The following NARS2 variants were observed in gnomAD, a reference collection of about 807,000 sequenced individuals.
NARS2 encodes asparaginyl-tRNA synthetase 2, mitochondrial.
NARS2 carries 60 observed loss-of-function variants against 62.9 expected under a neutral mutation model. The ratio of observed to expected loss-of-function variants is 0.95; its 90% CI spans 0.77 to 1.18. NARS2 has a LOEUF of 1.18. NARS2 is among the 50% of genes most tolerant of loss of function. The probability of loss-of-function intolerance (pLI) is 0.00; values close to 1 mark genes in which losing one functional copy is unlikely to be tolerated. For synonymous variants in NARS2, 196 were observed against 200.0 expected (o/e 0.98, Z 0.17); for missense variants, 619 against 576.4 (o/e 1.07, Z -0.76).
At chr11:78,563,062 AGAT>A (rs1255828557) in intron 4 of NARS2, among the ~76,000 whole-genome samples, 1 of 152,148 alleles carries the variant, frequency 6.6e-6, no homozygotes, top group African/African-American at 2.4e-5. Flanking sequence ...ACATAAAGGT[AGAT>A]AACTATCACA....
intron 6 of NARS2, among the ~76,000 whole-genome samples, chr11:78,509,767 C>A (rs1165184920): frequency 1.4e-5 from 2 of 143,202 alleles, no homozygotes; most frequent in Non-Finnish European, 3.0e-5. Context: ...GTGGAGGATG[C>A]AGTAAGCTGG....
At chr11:78,441,780 G>T (rs1256739486) in intron 12 of NARS2, among the ~76,000 whole-genome samples, 1 of 151,446 alleles carries the variant, frequency 6.6e-6, no homozygotes, top group Non-Finnish European at 1.5e-5. Context: ...ACACAGACAA[G>T]GGACACAGAG....
chr11:78,465,901 T>C lies in NARS2; in HGVS notation c.1139A>G (p.Asp380Gly), dbSNP rs1858598897. 1 of 1,613,984 alleles carries C rather than the reference T, an allele frequency of 6.2e-7. No homozygotes were observed. The highest frequency in any genetic ancestry group is 8.5e-7 in the Non-Finnish European group (1 of 1,179,980). Reference sequence around the variant, plus strand: ...CGTGTGCTGAGGGCCATCTTCATTATCCCTCATGTAGAAAGGCTTGAGTGT... The same window carrying C: ...CGTGTGCTGAGGGCCATCTTCATTACCCCTCATGTAGAAAGGCTTGAGTGT... ...PLTLKPFYMR[D>G]NEDGPQHTVA... Residue 380 changes from aspartate (D) to glycine (G), a missense_variant, in exon 11 of 14, where the codon GAT becomes GGT. Asp to Gly is a moderately conservative substitution (Grantham distance 94). Transcript: ENST00000281038.
chr11:78,459,701 C>T (rs1437982320), intron 11 of NARS2, among the ~76,000 whole-genome samples: 1 of 152,214 alleles, frequency 6.6e-6, no homozygotes, highest in Admixed American at 6.5e-5. Context: ...ACTGTGAGTC[C>T]ATTAAACCTC....
At chr11:78,473,456 T>C (rs1173317836) in intron 9 of NARS2, among the ~76,000 whole-genome samples, 1 of 151,960 alleles carries the variant, frequency 6.6e-6, no homozygotes, top group East Asian at 1.9e-4. Context: ...GAGATTATCT[T>C]CAGTAGAGTT....
intron 5 of NARS2, among the ~76,000 whole-genome samples, chr11:78,541,092 G>C (rs1367677634): frequency 6.6e-6 from 1 of 152,130 alleles, no homozygotes; most frequent in Non-Finnish European, 1.5e-5. Flanking sequence ...CTGGGAGGCA[G>C]AGGTTGTTGT....
Position 78,493,055 on chromosome 11 carries a change from G to A in NARS2, c.822+8C>T, listed in dbSNP as rs771458406. 2 of 1,603,868 alleles carry A rather than the reference G, an allele frequency of 1.2e-6. No individual in the cohort carries two copies. Among genetic ancestry groups the A allele is most frequent in the East Asian group, 2.2e-5 (1 of 44,816 alleles). ...AGATACCTGGTATTTTAAAACTTGT[G>A]TACCTACCTGCATAAGATCTTGAAG... On this transcript the variant is annotated splice_region_variant and intron_variant, in intron 7 of 13. Transcript: ENST00000281038.
chr11:78,477,121 G>C (rs1414965440), intron 9 of NARS2, among the ~76,000 whole-genome samples: 1 of 152,166 alleles, frequency 6.6e-6, no homozygotes, highest in Non-Finnish European at 1.5e-5. Flanking sequence ...TTAGATAGGA[G>C]CTGGAAAACT....
intron 11 of NARS2, among the ~76,000 whole-genome samples, chr11:78,455,744 A>G (rs1310309777): frequency 6.6e-6 from 1 of 152,006 alleles, no homozygotes; most frequent in Non-Finnish European, 1.5e-5. Context: ...AAGCTGCCAT[A>G]TATGCTGTAT....
chr11:78,479,825 A>G (rs1007492817), intron 7 of NARS2, among the ~76,000 whole-genome samples: 2 of 152,260 alleles, frequency 1.3e-5, no homozygotes, highest in Non-Finnish European at 2.9e-5. Flanking sequence ...GTACATTAAT[A>G]TAACCAGATA....
At chr11:78,520,761 T>C (rs552972549) in intron 6 of NARS2, among the ~76,000 whole-genome samples, 48 of 152,034 alleles carry the variant, frequency 3.2e-4, no homozygotes, top group Non-Finnish European at 6.2e-4. Context: ...AAGAGTAAAA[T>C]AGTAAGAAAA....
At chr11:78,572,367 A>T (rs1856960024) in intron 1 of NARS2, among the ~76,000 whole-genome samples, 1 of 152,202 alleles carries the variant, frequency 6.6e-6, no homozygotes, top group Non-Finnish European at 1.5e-5. Context: ...ATGAAACATT[A>T]TTTAGAGATG....
At chr11:78,494,486 T>TA (rs397932766) in intron 6 of NARS2, among the ~76,000 whole-genome samples, 1 of 149,784 alleles carries the variant, frequency 6.7e-6, no homozygotes, top group East Asian at 1.9e-4. Flanking sequence ...TTTTTTTTTT[T>TA]AGTAAAGATA....
At chr11:78,511,900 C>G (rs1860736521) in intron 6 of NARS2, among the ~76,000 whole-genome samples, 1 of 152,104 alleles carries the variant, frequency 6.6e-6, no homozygotes. Context: ...ACAATGATAA[C>G]AGGAATAACT....
chr11:78,521,178 T>C (rs1457907525), intron 6 of NARS2, among the ~76,000 whole-genome samples: 13 of 151,874 alleles, frequency 8.6e-5, no homozygotes, highest in African/African-American at 2.9e-4. Context: ...TTTTTTTTTT[T>C]TTAAGAGGTG....
intron 11 of NARS2, 138 bp from the exon 12 acceptor site, chr11:78,443,896 A>G (rs1438211753): frequency 3.3e-6 from 2 of 602,188 alleles, no homozygotes; most frequent in South Asian, 2.0e-5. Flanking sequence ...CATACAAATT[A>G]TAAGTGGACA....
In NARS2 at chr11:78,566,248, T is replaced by G. The variant is rs1481988567; in HGVS notation, c.397A>C (p.Arg133=). Residue 133 remains arginine (R), a synonymous_variant, in exon 4 of 14, where the codon AGG becomes CGG. Transcript: ENST00000281038. The part of the protein sequence containing the change: ...AKDFPIKYKE[R]HPLEYLRQYP... The stretch of plus-strand genomic sequence containing the variant: ...TGTCGCAGATACTCCAGAGGATGCC[T>G]CTCTTTATATTTGATGGGGAAATCC... The G allele has an allele frequency of 5.6e-6, 9 of 1,600,800 alleles. No homozygotes were observed. The highest frequency in any genetic ancestry group is 7.7e-6 in the Non-Finnish European group (9 of 1,173,104).
At chr11:78,485,607 C>CA (rs1445991705) in intron 7 of NARS2, among the ~76,000 whole-genome samples, 2 of 152,106 alleles carry the variant, frequency 1.3e-5, no homozygotes, top group African/African-American at 2.4e-5. Flanking sequence ...GCATAGGAAG[C>CA]AAAACTTCTA....
chr11:78,452,233 G>A (rs1382632340), intron 11 of NARS2, among the ~76,000 whole-genome samples: 1 of 151,390 alleles, frequency 6.6e-6, no homozygotes, highest in African/African-American at 2.4e-5. Flanking sequence ...TCAGCCTCCC[G>A]AGTAGCTGGG....
Sources: allele counts gnomAD v4.1 joint callset (sites outside exome capture counted in the v4.1 genomes callset), GRCh38; gene constraint gnomAD v4.1.1; transcripts MANE v1.5; gene names NCBI Gene and HGNC (gene_info 2026-07-23, HGNC 2026-07-21).